Variants in STX6 observed in about 807,000 individuals in gnomAD.
The protein encoded by STX6 is syntaxin-6.
In STX6, 23 loss-of-function variants were observed where a neutral mutation model predicts 38.0. That is an observed-to-expected ratio of 0.60 (90% CI 0.43 to 0.86). The LOEUF is 0.86. Ranked by LOEUF, STX6 falls within the 40% of genes least tolerant of loss-of-function variation. The probability of loss-of-function intolerance (pLI) is 0.00; values close to 1 mark genes in which losing one functional copy is unlikely to be tolerated. For missense variants in STX6, 274 were observed against 312.9 expected (o/e 0.88, Z 0.94); for synonymous variants, 123 against 107.5 (o/e 1.14, Z -0.89).
intron 5 of STX6, chr1:180,989,497 C>CA (rs758234812): frequency 0.04 from 2,493 of 62,722 alleles, 75 homozygotes; most frequent in African/African-American, 0.088. Context: ...CTCCGTCTCA[C>CA]AAAAAAAAAA....
chr1:180,998,816 T>C (rs146232426), intron 3 of STX6, among the ~76,000 whole-genome samples: 78 of 152,360 alleles, frequency 5.1e-4, no homozygotes, highest in African/African-American at 1.8e-3. Flanking sequence ...CAATCTATCA[T>C]GCCAAAAACA....
intron 7 of STX6, among the ~76,000 whole-genome samples, chr1:180,977,054 C>A (rs1655275817): frequency 6.6e-6 from 1 of 152,300 alleles, no homozygotes; most frequent in South Asian, 2.1e-4. Flanking sequence ...ATTCTTTTCT[C>A]AATGAGCACA....
intron 7 of STX6, among the ~76,000 whole-genome samples, chr1:180,978,074 G>GT (rs1211801269): frequency 6.6e-6 from 1 of 152,174 alleles, no homozygotes; most frequent in African/African-American, 2.4e-5. Flanking sequence ...ACTTTGACCT[G>GT]TTTAACTATT....
chr1:181,022,788 A>T lies in STX6; in HGVS notation c.-115T>A. On this transcript the variant is annotated 5_prime_UTR_variant, in exon 1 of 8. Transcript: ENST00000258301. ...AGCTGCCCGCGCCTTAGTCTGGGTG[A>T]AGCCGAGCAGCGGGCACGCGCACAG... 1 of 1,096,004 alleles carries T rather than the reference A, an allele frequency of 9.1e-7. No individual in the cohort carries two copies. The highest frequency in any genetic ancestry group is 1.3e-6 in the Non-Finnish European group (1 of 752,160). 67.9% of individuals were successfully genotyped at this position (1,096,004 alleles called of 1,614,324 possible). A position where few individuals can be genotyped will look rare whatever the true frequency, so the allele number is the denominator to read the frequency against.
intron 7 of STX6, among the ~76,000 whole-genome samples, chr1:180,979,309 C>T (rs1655338067): frequency 6.6e-6 from 1 of 152,056 alleles, no homozygotes; most frequent in African/African-American, 2.4e-5. Context: ...TAAGACTTAC[C>T]ATAACATCAA....
intron 4 of STX6, 33 bp downstream of exon 4, chr1:180,993,330 G>C (rs767454786): frequency 8.2e-7 from 1 of 1,217,308 alleles, no homozygotes; most frequent in Admixed American, 1.7e-5. Context: ...TATGCTTTCT[G>C]TCATTGATAA....
Position 181,014,397 on chromosome 1 carries a change from A to G in STX6, c.35+8242T>C, listed in dbSNP as rs1392467529. On this transcript the variant is annotated intron_variant, in intron 1 of 7. Coordinates refer to ENST00000258301, the MANE Select transcript of STX6 (RefSeq NM_005819.6). ...AGACAGAGCAAGACTCCATCTCAAA[A>G]AAAAAAAAGAAAAAAAAAGAAAGAA... Among the ~76,000 whole-genome samples, 7 of 151,748 alleles carry G rather than the reference A, an allele frequency of 4.6e-5. 1 individual carries two copies. Among genetic ancestry groups the G allele is most frequent in the Non-Finnish European group, 8.8e-5 (6 of 67,878 alleles).
intron 4 of STX6, 62 bp from the exon 5 acceptor site, chr1:180,990,171 T>G: frequency 1.3e-6 from 2 of 1,595,546 alleles, no homozygotes; most frequent in South Asian, 2.2e-5. Flanking sequence ...TCTGAACAAG[T>G]GATGCATCAA....
chr1:180,998,011 G>A (rs1655962573), intron 3 of STX6, among the ~76,000 whole-genome samples: 1 of 152,162 alleles, frequency 6.6e-6, no homozygotes, highest in African/African-American at 2.4e-5. Context: ...AAAATAAAAT[G>A]CTATGATTGC....
intron 1 of STX6, among the ~76,000 whole-genome samples, chr1:181,022,003 T>C (rs538015328): frequency 8.5e-4 from 129 of 152,342 alleles, no homozygotes; most frequent in African/African-American, 3.1e-3. Flanking sequence ...TCACTGAGTA[T>C]GAACGACTGC....
chr1:180,989,908 C>G (rs553599645), intron 5 of STX6, 76 bp downstream of exon 5: 1 of 1,568,734 alleles, frequency 6.4e-7, no homozygotes. Context: ...GCCACAAGAC[C>G]CCATGGCTGG....
intron 3 of STX6, among the ~76,000 whole-genome samples, chr1:180,999,228 G>C (rs1292812876): frequency 6.6e-6 from 1 of 152,156 alleles, no homozygotes; most frequent in Non-Finnish European, 1.5e-5. Flanking sequence ...GATCCAGGGA[G>C]GTTGAATGAC....
chr1:180,996,921 A>T (rs1172966712), intron 3 of STX6, among the ~76,000 whole-genome samples: 1 of 152,192 alleles, frequency 6.6e-6, no homozygotes, highest in Non-Finnish European at 1.5e-5. Flanking sequence ...CGAAACAATT[A>T]TGTAAGTTAT....
chr1:180,993,633 T>C (rs893636593), intron 3 of STX6, among the ~76,000 whole-genome samples: 4 of 152,070 alleles, frequency 2.6e-5, no homozygotes, highest in African/African-American at 9.7e-5. Context: ...GGATACTAAT[T>C]TGAATAGGAG....
chr1:181,005,164 T>C (rs1656189474), intron 2 of STX6, 130 bp downstream of exon 2: 2 of 1,483,630 alleles, frequency 1.3e-6, no homozygotes, highest in African/African-American at 1.4e-5. Context: ...AAACATGTCA[T>C]GGTACAAGTA....
At chr1:180,981,221 C>T (rs981791472) in intron 7 of STX6, among the ~76,000 whole-genome samples, 4 of 152,042 alleles carry the variant, frequency 2.6e-5, no homozygotes, top group Admixed American at 6.5e-5. Context: ...TTGTAACAAA[C>T]GTACCACCGT....
At chr1:180,996,814 C>A (rs1286643799) in intron 3 of STX6, among the ~76,000 whole-genome samples, 2 of 152,216 alleles carry the variant, frequency 1.3e-5, no homozygotes, top group Non-Finnish European at 2.9e-5. Context: ...TTCAACTGAT[C>A]TTCCTGCTTT....
At position 180,976,388 on chromosome 1, in the gene STX6, C is replaced by G. The variant is rs1200351857; in HGVS notation, c.*182G>C. ...TGCAGACATCTATTTCCTCTTCCCA[C>G]TGGCCCTTCCAGCGCTGGGATGGAG... On this transcript the variant is annotated 3_prime_UTR_variant, in exon 8 of 8. Transcript: ENST00000258301. 9.9e-6 allele frequency: 6 copies of G among 607,346 alleles called. No homozygotes were observed. The highest frequency in any genetic ancestry group is 1.8e-5 in the Non-Finnish European group (6 of 338,136). The allele number at this position is 607,346 out of a possible 1,614,324, so 37.6% of individuals were successfully genotyped here.
chr1:180,984,691 G>C lies in STX6; in HGVS notation c.677C>G (p.Ser226Cys), dbSNP rs1655520027. 1 of 1,542,796 alleles carries C rather than the reference G, an allele frequency of 6.5e-7. No individual in the cohort carries two copies. The highest frequency in any genetic ancestry group is 1.1e-5 in the South Asian group (1 of 89,522). Residue 226 changes from serine to cysteine, a missense_variant, in exon 7 of 8, where the codon TCT becomes TGT. By Grantham distance (112) the Ser-to-Cys change is moderately radical (BLOSUM62 -1). Transcript: ENST00000258301. ...DNVMKKLAKV[S>C]HMTSDRRQWC... ...GCCATACATACCACTGGTCATATGA[G>C]ATACTTTTGCAAGTTTCTTCATCAC... is the stretch of plus-strand genomic sequence containing the variant.
Sources: gnomAD v4.1 joint callset for allele counts (sites outside exome capture counted in the v4.1 genomes callset) on GRCh38, gnomAD v4.1.1 for gene constraint, MANE v1.5 for transcripts, NCBI Gene and HGNC (gene_info 2026-07-23, HGNC 2026-07-21) for gene names.